The following RELL1 variants were observed in gnomAD, a reference collection of about 807,000 sequenced individuals.
RELL1 encodes RELT like 1, also known as RELT-like protein 1.
In RELL1, 10 loss-of-function variants were observed where a neutral mutation model predicts 23.0. The ratio of observed to expected loss-of-function variants is 0.43; its 90% CI spans 0.27 to 0.74. The LOEUF is 0.74. Among genes scored for constraint, RELL1 ranks in the 30% least tolerant of loss-of-function variants. RELL1 has a pLI of 0.19. For synonymous variants in RELL1, 146 were observed against 146.8 expected (o/e 0.99, Z 0.04); for missense variants, 315 against 364.4 (o/e 0.86, Z 1.10).
chr4:37,610,065 G>A (rs79226127), downstream of RELL1, among the ~76,000 whole-genome samples: 132 of 152,284 alleles, frequency 8.7e-4, 2 homozygotes, highest in East Asian at 0.024. The surrounding 1 kb of genome is among the most constrained non-coding windows in gnomAD (Gnocchi z 4.1). Flanking sequence ...AAACTTTCAT[G>A]AAAGGTGAGG....
rs536309228 is a variant in RELL1, at chr4:37,660,924, G to A, written c.89-11424C>T. Among the ~76,000 whole-genome samples, 20 of 152,020 alleles carry A rather than the reference G, an allele frequency of 1.3e-4. 1 individual carries two copies. In the South Asian group the frequency reaches 2.7e-3, roughly 20 times the overall value. On this transcript the variant is annotated intron_variant, in intron 1 of 6. Coordinates refer to ENST00000454158, the MANE Select transcript of RELL1 (RefSeq NM_001085400.2). ...CGGGCGCCTGTTGTCCCAGCTACTC[G>A]GGAGGCTGAGGCAGGAGAACAGCGT... is the stretch of plus-strand genomic sequence containing the variant.
At chr4:37,634,125 T>C (rs539528894) in intron 5 of RELL1, among the ~76,000 whole-genome samples, 5 of 152,308 alleles carry the variant, frequency 3.3e-5, no homozygotes, top group African/African-American at 1.2e-4. Context: ...CAAAGATGCT[T>C]CAGGTAAGGG....
In RELL1 at chr4:37,647,235, T is replaced by A. The variant is rs564191092; in HGVS notation, c.385+133A>T. ...ATGTGAAACTTGCGTAGCTGAATAATGCTGGAAGCTGAGGTGTTAGAAAGC... is the reference window on the plus strand; with the variant it reads ...ATGTGAAACTTGCGTAGCTGAATAAAGCTGGAAGCTGAGGTGTTAGAAAGC... On this transcript the variant is annotated intron_variant, in intron 3 of 6. Transcript: ENST00000454158. 353 of 606,094 alleles carry A rather than the reference T, an allele frequency of 5.8e-4. 3 individuals are homozygous for A. In the South Asian group the frequency reaches 6.1e-3, roughly 10 times the overall value. The allele number at this position is 606,094 out of a possible 1,614,324, so 37.5% of individuals were successfully genotyped here.
At chr4:37,586,312 T>C (rs1474381836), downstream of RELL1, among the ~76,000 whole-genome samples, 1 of 152,190 alleles carries the variant, frequency 6.6e-6, no homozygotes, top group Non-Finnish European at 1.5e-5. Flanking sequence ...GGTTCACTGA[T>C]AGTGCTCTCG....
At chr4:37,677,194 A>C (rs1390419118) in intron 1 of RELL1, among the ~76,000 whole-genome samples, 1 of 152,248 alleles carries the variant, frequency 6.6e-6, no homozygotes, top group African/African-American at 2.4e-5. Context: ...GCCCTTGAGC[A>C]TGAGGATCAA....
intron 6 of RELL1, among the ~76,000 whole-genome samples, chr4:37,624,586 G>C (rs1719878149): frequency 6.6e-6 from 1 of 151,554 alleles, no homozygotes; most frequent in South Asian, 2.1e-4. Flanking sequence ...ACCACGCCCG[G>C]CTAATTTTTT....
chr4:37,594,511 T>C (rs1718760658), intron 6 of RELL1, among the ~76,000 whole-genome samples: 1 of 152,246 alleles, frequency 6.6e-6, no homozygotes, highest in South Asian at 2.1e-4. Flanking sequence ...TTATTTTATG[T>C]ATATATTACA....
At chr4:37,638,404 A>G (rs748098529) in intron 4 of RELL1, 43 bp downstream of exon 4, 2 of 1,474,524 alleles carry the variant, frequency 1.4e-6, no homozygotes, top group Non-Finnish European at 1.9e-6. Flanking sequence ...TGAGCAAGTA[A>G]CTGAAAAGAT....
downstream of RELL1, chr4:37,590,648 A>G (rs762258663): frequency 2.5e-6 from 4 of 1,614,052 alleles, no homozygotes; most frequent in Admixed American, 3.3e-5. Flanking sequence ...GCTGGAGACA[A>G]CGTTGATCAT....
At chr4:37,615,594 A>C (rs1166617712) in intron 6 of RELL1, among the ~76,000 whole-genome samples, 1 of 152,244 alleles carries the variant, frequency 6.6e-6, no homozygotes. Context: ...AGTTGCCATC[A>C]CATGGGACCA....
intron 5 of RELL1, among the ~76,000 whole-genome samples, chr4:37,634,238 C>A (rs1720237943): frequency 6.6e-6 from 1 of 152,216 alleles, no homozygotes; most frequent in African/African-American, 2.4e-5. Context: ...GAAAGCACCA[C>A]CCACTAAAAG....
Position 37,612,166 on chromosome 4 carries a change from G to T in RELL1, c.*1180C>A, listed in dbSNP as rs1719409665. ...CACTCCAGCCTGGGCGACAGAGCGA[G>T]ACTCCGCCTCAAAAAAAAAAAAAAA... is the stretch of plus-strand genomic sequence containing the variant. On this transcript the variant is annotated 3_prime_UTR_variant, in exon 7 of 7. Coordinates refer to ENST00000454158, the MANE Select transcript of RELL1 (RefSeq NM_001085400.2). Among the ~76,000 whole-genome samples the T allele has an allele frequency of 8.8e-6, 1 of 113,388 alleles. No homozygotes were observed. The highest frequency in any genetic ancestry group is 3.6e-5 in the African/African-American group (1 of 27,870). The allele number at this position is 113,388 out of a possible 152,430, so 74.4% of individuals were successfully genotyped here. A position where few individuals can be genotyped will look rare whatever the true frequency, so the allele number is the denominator to read the frequency against.
intron 1 of RELL1, among the ~76,000 whole-genome samples, chr4:37,652,249 T>C (rs558182879): frequency 1.3e-5 from 2 of 152,222 alleles, no homozygotes; most frequent in Non-Finnish European, 2.9e-5. Flanking sequence ...AGGAAATAAT[T>C]GGTTTCTTAG....
At chr4:37,625,041 G>A (rs1719894412) in intron 6 of RELL1, among the ~76,000 whole-genome samples, 2 of 152,188 alleles carry the variant, frequency 1.3e-5, no homozygotes, top group Admixed American at 6.5e-5. Context: ...TTTTAAAGAT[G>A]AAATAACCGG....
intron 1 of RELL1, among the ~76,000 whole-genome samples, chr4:37,651,984 C>T (rs910517615): frequency 3.3e-5 from 5 of 152,214 alleles, no homozygotes; most frequent in Non-Finnish European, 5.9e-5. Context: ...AGCACGCCAG[C>T]GTGGCCAAGC....
intron 1 of RELL1, among the ~76,000 whole-genome samples, chr4:37,668,427 A>G (rs928299200): frequency 5.3e-5 from 8 of 152,216 alleles, no homozygotes; most frequent in East Asian, 1.9e-4. Flanking sequence ...TGTGTTGGCC[A>G]GGCTGGTCTC....
At chr4:37,609,466 C>T (rs1303204629), downstream of RELL1, among the ~76,000 whole-genome samples, 1 of 152,202 alleles carries the variant, frequency 6.6e-6, no homozygotes, top group African/African-American at 2.4e-5. Flanking sequence ...ATCCATTCTG[C>T]AGCCCATAGA....
intron 6 of RELL1, among the ~76,000 whole-genome samples, chr4:37,592,227 A>G (rs1577548986): frequency 6.7e-6 from 1 of 149,750 alleles, no homozygotes; most frequent in Non-Finnish European, 1.5e-5. Context: ...AAAAAAAAAA[A>G]AGAGCTAAGC....
At chr4:37,589,001 G>T, downstream of RELL1, 1 of 854,910 alleles carries the variant, frequency 1.2e-6, no homozygotes. Context: ...TCCAGCTTGG[G>T]GCATGATCAA....
Sources: gnomAD v4.1 joint callset for allele counts (sites outside exome capture counted in the v4.1 genomes callset) on GRCh38, gnomAD v4.1.1 for gene constraint, Gnocchi (gnomAD v3.1) non-coding constraint, MANE v1.5 for transcripts, NCBI Gene and HGNC (gene_info 2026-07-23, HGNC 2026-07-21) for gene names.